Variants in PTPRN2 observed in about 807,000 individuals in gnomAD.
PTPRN2 encodes the protein receptor-type tyrosine-protein phosphatase N2.
In PTPRN2, 74 loss-of-function variants were observed where a neutral mutation model predicts 118.8. The observed-to-expected ratio is 0.62, with a 90% CI of 0.52 to 0.76. PTPRN2 has a LOEUF of 0.76. Among genes scored for constraint, PTPRN2 ranks in the 30% least tolerant of loss-of-function variants. PTPRN2 has a pLI of 0.00. For missense variants in PTPRN2, 1,481 were observed against 1,394.4 expected, an observed-to-expected ratio of 1.06 and a Z score of -0.99; for synonymous variants, 641 against 608.0, an observed-to-expected ratio of 1.05 and a Z score of -0.80.
At position 157,990,887 on chromosome 7, in the gene PTPRN2, T is replaced by A. The variant is rs149051822; in HGVS notation, c.1723+90411A>T. On this transcript the variant is annotated intron_variant, in intron 11 of 22. Coordinates refer to ENST00000389418, the MANE Select transcript of PTPRN2 (RefSeq NM_002847.5). This position sits in a 1 kb window ranked among gnomAD's most constrained non-coding sequence, Gnocchi z 4.3. The stretch of plus-strand genomic sequence containing the variant: ...AGGAGGACTGGGGAGGGGGGCCGAG[T>A]CTCCAGTCAGGCAGAGAGAGCTGCT... Among the ~76,000 whole-genome samples the A allele has an allele frequency of 2.1e-3, 313 of 151,862 alleles. 1 individual carries two copies. Among genetic ancestry groups the A allele is most frequent in the African/African-American group, 7.1e-3 (294 of 41,384 alleles).
At chr7:158,512,151 G>C (rs1823226975) in intron 1 of PTPRN2, among the ~76,000 whole-genome samples, 1 of 152,184 alleles carries the variant, frequency 6.6e-6, no homozygotes, top group Non-Finnish European at 1.5e-5. Context: ...ACACCAACGG[G>C]GCAGGAGAAA....
intron 3 of PTPRN2, among the ~76,000 whole-genome samples, chr7:158,245,355 C>T (rs929967431): frequency 2.6e-5 from 4 of 152,248 alleles, no homozygotes; most frequent in Non-Finnish European, 4.4e-5. Flanking sequence ...ACGTGACCCA[C>T]GATGGGAAAA....
At chr7:157,890,572 G>A (rs541390794) in intron 12 of PTPRN2, among the ~76,000 whole-genome samples, 5 of 152,322 alleles carry the variant, frequency 3.3e-5, no homozygotes, top group African/African-American at 9.6e-5. Flanking sequence ...AACCTGGGAG[G>A]CAGAGCTTGC....
intron 10 of PTPRN2, among the ~76,000 whole-genome samples, chr7:158,094,874 G>T (rs1814506746): frequency 6.6e-6 from 1 of 152,142 alleles, no homozygotes; most frequent in Non-Finnish European, 1.5e-5. Context: ...GGTCTCCTGG[G>T]CACTGTGGCT....
At position 157,675,133 on chromosome 7, in the gene PTPRN2, TTCCCTTTAC is replaced by T. The variant is rs559230460; in HGVS notation, c.2001+7583_2001+7591del. On this transcript the variant is annotated intron_variant, in intron 13 of 22. Coordinates refer to ENST00000389418, the MANE Select transcript of PTPRN2 (RefSeq NM_002847.5). The stretch of plus-strand genomic sequence containing the variant: ...CCCAGTTTAATCCACTTTTTTACAC[TTCCCTTTAC>T]TCCCTCAAGTGTCTCCTCCCAACAC... 2.3e-3 allele frequency among the ~76,000 whole-genome samples: 345 copies of T among 152,308 alleles called. 1 individual carries two copies. The highest frequency in any genetic ancestry group is 7.5e-3 in the African/African-American group (313 of 41,562).
rs1221090519 is a variant in PTPRN2, at chr7:157,805,308, TGTGTGTGTGC to T, written c.1788+93355_1788+93364del. 2.0e-5 allele frequency among the ~76,000 whole-genome samples: 3 copies of T among 151,478 alleles called. No homozygotes were observed. In the East Asian group the frequency reaches 5.8e-4, roughly 29 times the overall value. On this transcript the variant is annotated intron_variant, in intron 12 of 22. Transcript: ENST00000389418. ...ATACTCCTGTGTGTGTGTGTGTGTG[TGTGTGTGTGC>T]GTGTGCAAATACATCATCAACTGAA...
At chr7:157,722,486 G>A (rs1236260162) in intron 12 of PTPRN2, among the ~76,000 whole-genome samples, 2 of 152,200 alleles carry the variant, frequency 1.3e-5, no homozygotes, top group East Asian at 3.9e-4. Flanking sequence ...GGCTCCCGTG[G>A]GTGGTGCAGA....
rs58298308 is a variant in PTPRN2, at chr7:157,852,863, CA to C, written c.1788+45809del. On this transcript the variant is annotated intron_variant, in intron 12 of 22. Transcript: ENST00000389418. ...CAGCTCGGCAACACAGCAAGTCTCTCAAAAAAAAAAAAAAAAAAAATACTAG... is the reference window on the plus strand; with the variant it reads ...CAGCTCGGCAACACAGCAAGTCTCTCAAAAAAAAAAAAAAAAAAATACTAG... Among the ~76,000 whole-genome samples the C allele has an allele frequency of 5.0e-3, 515 of 102,654 alleles. 2 individuals are homozygous for C. Among genetic ancestry groups the C allele is most frequent in the South Asian group, 0.017 (48 of 2,806 alleles). The allele number at this position is 102,654 out of a possible 152,430, so 67.3% of individuals were successfully genotyped here.
chr7:157,968,643 G>A (rs1353786610), intron 11 of PTPRN2, among the ~76,000 whole-genome samples: 1 of 152,194 alleles, frequency 6.6e-6, no homozygotes, highest in Admixed American at 6.5e-5. Flanking sequence ...TCTCTATTTG[G>A]CACATCTCCA....
At chr7:158,048,045 G>A (rs916745214) in intron 11 of PTPRN2, among the ~76,000 whole-genome samples, 14 of 152,100 alleles carry the variant, frequency 9.2e-5, no homozygotes, top group African/African-American at 3.1e-4. Flanking sequence ...GATGGATATC[G>A]AAGGTGGCCA....
intron 10 of PTPRN2, among the ~76,000 whole-genome samples, chr7:158,094,062 T>C (rs1450954562): frequency 1.3e-5 from 2 of 152,358 alleles, no homozygotes; most frequent in Admixed American, 6.5e-5. Flanking sequence ...CTTACTTTTC[T>C]CATGGAGTAT....
At chr7:157,713,268 C>T (rs993191407) in intron 12 of PTPRN2, among the ~76,000 whole-genome samples, 3 of 152,118 alleles carry the variant, frequency 2.0e-5, no homozygotes, top group South Asian at 2.1e-4. Flanking sequence ...AACCCAATGA[C>T]GCATCTTTAA....
At position 157,994,513 on chromosome 7, in the gene PTPRN2, G is replaced by A. The variant is rs868038067; in HGVS notation, c.1723+86785C>T. 3.3e-3 allele frequency among the ~76,000 whole-genome samples: 410 copies of A among 122,926 alleles called. 8 individuals carry two copies. The highest frequency in any genetic ancestry group is 0.014 in the African/African-American group (382 of 27,030). 80.6% of individuals were successfully genotyped at this position (122,926 alleles called of 152,430 possible). A position where few individuals can be genotyped will look rare whatever the true frequency, so the allele number is the denominator to read the frequency against. On this transcript the variant is annotated intron_variant, in intron 11 of 22. Coordinates refer to ENST00000389418, the MANE Select transcript of PTPRN2 (RefSeq NM_002847.5). ...CCACAGCTCCTTGTTCCTAAAATCAGCACCGCATCCCCAGCTTACAGCTCC... is the reference window on the plus strand; with the variant it reads ...CCACAGCTCCTTGTTCCTAAAATCAACACCGCATCCCCAGCTTACAGCTCC...
At position 158,535,645 on chromosome 7, in the gene PTPRN2, C is replaced by A. The variant is rs530412539; in HGVS notation, c.113-45860G>T. On this transcript the variant is annotated intron_variant, in intron 1 of 22. Transcript: ENST00000389418. ...AAATCATACAAAAACAATTAATAGG[C>A]AACCATTAGAAATTAGGCAATAAAG... 4.6e-5 allele frequency among the ~76,000 whole-genome samples: 7 copies of A among 151,998 alleles called. No homozygotes were observed. In the South Asian group the frequency reaches 1.5e-3, roughly 32 times the overall value.
At position 157,690,632 on chromosome 7, in the gene PTPRN2, G is replaced by A. The variant is rs1797431012; in HGVS notation, c.1789-7695C>T. 6.6e-6 allele frequency among the ~76,000 whole-genome samples: 1 copy of A among 151,728 alleles called. No homozygotes were observed. Among genetic ancestry groups the A allele is most frequent in the Non-Finnish European group, 1.5e-5 (1 of 67,878 alleles). Reference sequence around the variant, plus strand: ...GGCCGAGCGGCCTCGGGGCGCAGCAGCTGCGGGTAGCGGCAGCGCCATCAT... The same window carrying A: ...GGCCGAGCGGCCTCGGGGCGCAGCAACTGCGGGTAGCGGCAGCGCCATCAT... On this transcript the variant is annotated intron_variant, in intron 12 of 22. Transcript: ENST00000389418. This position sits in a 1 kb window ranked among gnomAD's most constrained non-coding sequence, Gnocchi z 7.1.
intron 6 of PTPRN2, among the ~76,000 whole-genome samples, chr7:158,154,750 A>T (rs930163480): frequency 5.7e-5 from 5 of 87,974 alleles, no homozygotes; most frequent in Non-Finnish European, 1.4e-4. Context: ...AAATAACTTT[A>T]AAAAAAATCA....
rs932196476 is a variant in PTPRN2, at chr7:157,610,565, G to A, written c.2345-6490C>T. 6.6e-6 allele frequency among the ~76,000 whole-genome samples: 1 copy of A among 152,186 alleles called. No homozygotes were observed. The highest frequency in any genetic ancestry group is 2.4e-5 in the African/African-American group (1 of 41,432). ...TCTGAGGGCTGCAAAGGCACATCCC[G>A]GGGCTGCTGGCCGTCAGCAAGGGCC... On this transcript the variant is annotated intron_variant, in intron 15 of 22. Transcript: ENST00000389418. This position sits in a 1 kb window ranked among gnomAD's most constrained non-coding sequence, Gnocchi z 5.1.
In PTPRN2 at chr7:158,587,790, T is replaced by G; in HGVS notation, c.-121A>C. On this transcript the variant is annotated 5_prime_UTR_variant, in exon 1 of 23. Coordinates refer to ENST00000389418, the MANE Select transcript of PTPRN2 (RefSeq NM_002847.5). ...CCTCCCGCCGCGCCTCTCGCGCTCT[T>G]GCGGCGACGCCGGGCCGAGCTTCAG... The G allele has an allele frequency of 1.1e-6, 1 of 947,662 alleles. No homozygotes were observed. Among genetic ancestry groups the G allele is most frequent in the Non-Finnish European group, 1.3e-6 (1 of 793,004 alleles). The allele number at this position is 947,662 out of a possible 1,614,324, so 58.7% of individuals were successfully genotyped here. A position where few individuals can be genotyped will look rare whatever the true frequency, so the allele number is the denominator to read the frequency against.
chr7:157,578,068 A>G lies in PTPRN2; in HGVS notation c.2569T>C (p.Tyr857His), dbSNP rs753236398. Residue 857 changes from tyrosine to histidine, a missense_variant, in exon 18 of 23, where the codon TAC becomes CAC. By Grantham distance (83) the Tyr-to-His change is moderately conservative. This residue lies in a region of PTPRN2 where 362 missense variants were observed against 384.1 expected (regional missense o/e 0.94). Transcript: ENST00000389418. ...PLAENGVRQC[Y>H]HYWPDEGSNL... Reference sequence around the variant, plus strand: ...GAGCCTTCATCCGGCCAGTAGTGGTAGCACTGCCGGACGCCGTTCTCCGCG... The same window carrying G: ...GAGCCTTCATCCGGCCAGTAGTGGTGGCACTGCCGGACGCCGTTCTCCGCG... 1.2e-6 allele frequency: 2 copies of G among 1,613,684 alleles called. No homozygotes were observed. The highest frequency in any genetic ancestry group is 1.7e-5 in the Admixed American group (1 of 60,020).
Sources: allele counts gnomAD v4.1 joint callset (sites outside exome capture counted in the v4.1 genomes callset), GRCh38; gene constraint gnomAD v4.1.1; regional missense constraint gnomAD v4.1.1; non-coding constraint Gnocchi (gnomAD v3.1); transcripts MANE v1.5; gene names NCBI Gene and HGNC (gene_info 2026-07-23, HGNC 2026-07-21).